The following CCDC148 variants were observed in gnomAD, a reference collection of about 807,000 sequenced individuals.
CCDC148 encodes coiled-coil domain-containing protein 148.
In CCDC148, 89 loss-of-function variants were observed where a neutral mutation model predicts 85.7. The ratio of observed to expected loss-of-function variants is 1.04; its 90% CI spans 0.87 to 1.24. The LOEUF (loss-of-function observed/expected upper bound fraction) is 1.24, where lower values mean the gene tolerates loss of function less well. CCDC148 is among the 50% of genes most tolerant of loss of function. The pLI is 0.00. For synonymous variants in CCDC148, 230 were observed against 213.9 expected, an observed-to-expected ratio of 1.08 and a Z score of -0.66; for missense variants, 692 against 671.7, an observed-to-expected ratio of 1.03 and a Z score of -0.33.
chr2:158,210,696 C>T (rs570705332), intron 11 of CCDC148, among the ~76,000 whole-genome samples: 1 of 149,540 alleles, frequency 6.7e-6, no homozygotes, highest in Non-Finnish European at 1.5e-5. Flanking sequence ...GTAATCCCAG[C>T]ACTTTGGGAG....
chr2:158,206,559 G>A (rs1192504961), intron 11 of CCDC148, among the ~76,000 whole-genome samples: 8 of 152,228 alleles, frequency 5.3e-5, no homozygotes, highest in Non-Finnish European at 1.2e-4. Flanking sequence ...AATTTCAATA[G>A]GATGATTTCC....
chr2:158,287,700 T>C (rs1400802207), intron 9 of CCDC148, among the ~76,000 whole-genome samples: 1 of 152,184 alleles, frequency 6.6e-6, no homozygotes, highest in Non-Finnish European at 1.5e-5. Flanking sequence ...TCCGGCTGCT[T>C]TCACGGGCTG....
At chr2:158,198,781 G>C (rs1685804490) in intron 11 of CCDC148, among the ~76,000 whole-genome samples, 1 of 152,160 alleles carries the variant, frequency 6.6e-6, no homozygotes, top group South Asian at 2.1e-4. Context: ...GTTAGATTCT[G>C]TATGTTACCA....
intron 7 of CCDC148, among the ~76,000 whole-genome samples, chr2:158,335,508 C>A (rs1313503844): frequency 6.6e-6 from 1 of 152,108 alleles, no homozygotes; most frequent in Non-Finnish European, 1.5e-5. Flanking sequence ...TTCCACATGG[C>A]TGGGGAGGCC....
chr2:158,351,588 C>G (rs1448344749), intron 2 of CCDC148, among the ~76,000 whole-genome samples: 7 of 152,240 alleles, frequency 4.6e-5, no homozygotes, highest in Admixed American at 4.6e-4. Flanking sequence ...CCCACGGAGT[C>G]TTGCTGATTG....
intron 10 of CCDC148, among the ~76,000 whole-genome samples, chr2:158,235,086 A>T (rs1159176386): frequency 2.0e-5 from 3 of 152,204 alleles, no homozygotes; most frequent in Admixed American, 1.3e-4. Flanking sequence ...AAACAAGTTT[A>T]CCTACGTAAC....
chr2:158,265,519 A>AT (rs139489205), intron 9 of CCDC148, among the ~76,000 whole-genome samples: 44,003 of 151,906 alleles, frequency 0.29, 7,655 homozygotes, highest in Middle Eastern at 0.48. Flanking sequence ...ATTAAAGTAT[A>AT]TTTATTGAAT....
At chr2:158,210,867 G>T (rs1036018861) in intron 11 of CCDC148, among the ~76,000 whole-genome samples, 8 of 150,090 alleles carry the variant, frequency 5.3e-5, no homozygotes, top group African/African-American at 1.5e-4. Flanking sequence ...GCTGAGACAG[G>T]AGAATGGCGT....
intron 2 of CCDC148, among the ~76,000 whole-genome samples, chr2:158,351,124 C>T (rs1683247414): frequency 6.6e-6 from 1 of 152,132 alleles, no homozygotes; most frequent in Non-Finnish European, 1.5e-5. Context: ...GTTTTTATTG[C>T]AGTTTATACT....
chr2:158,438,606 A>C (rs904240164), intron 1 of CCDC148, among the ~76,000 whole-genome samples: 1 of 152,196 alleles, frequency 6.6e-6, no homozygotes, highest in Non-Finnish European at 1.5e-5. Flanking sequence ...AATGGCAACA[A>C]AAGCCAAAAT....
intron 9 of CCDC148, among the ~76,000 whole-genome samples, chr2:158,263,664 C>T (rs1394561961): frequency 2.0e-5 from 3 of 152,102 alleles, no homozygotes; most frequent in African/African-American, 4.8e-5. Flanking sequence ...ATCTACCAAA[C>T]CCCAGAAATG....
intron 1 of CCDC148, among the ~76,000 whole-genome samples, chr2:158,373,074 G>T (rs1171846152): frequency 6.6e-6 from 1 of 152,006 alleles, no homozygotes; most frequent in African/African-American, 2.4e-5. Context: ...GCTTATCCAG[G>T]TGGGCCTAAT....
chr2:158,363,444 C>T (rs1471119668), intron 1 of CCDC148, among the ~76,000 whole-genome samples: 1 of 152,086 alleles, frequency 6.6e-6, no homozygotes, highest in Non-Finnish European at 1.5e-5. Flanking sequence ...AATCCAGCAG[C>T]ACATCAAAAA....
chr2:158,409,358 G>T (rs932362075), intron 1 of CCDC148, among the ~76,000 whole-genome samples: 1 of 152,194 alleles, frequency 6.6e-6, no homozygotes, highest in African/African-American at 2.4e-5. Context: ...AGCCACAGGG[G>T]TGGAGCTGCC....
chr2:158,351,775 G>A (rs949269207), intron 2 of CCDC148, among the ~76,000 whole-genome samples: 17 of 152,024 alleles, frequency 1.1e-4, no homozygotes, highest in Non-Finnish European at 1.2e-4. Flanking sequence ...TGGGGGCAGA[G>A]CACAGACAAA....
intron 1 of CCDC148, among the ~76,000 whole-genome samples, chr2:158,428,629 G>A (rs1281098475): frequency 2.0e-5 from 3 of 150,172 alleles, no homozygotes; most frequent in Non-Finnish European, 3.0e-5. Flanking sequence ...TAAAAAGTCA[G>A]GAAACAACAG....
chr2:158,292,538 T>C (rs1226687586), intron 9 of CCDC148, among the ~76,000 whole-genome samples: 16 of 152,220 alleles, frequency 1.1e-4, no homozygotes, highest in Non-Finnish European at 2.1e-4. Context: ...AAAGCTTTCC[T>C]GTGCCATCCG....
At chr2:158,395,475 T>C (rs190274676) in intron 1 of CCDC148, among the ~76,000 whole-genome samples, 9 of 152,238 alleles carry the variant, frequency 5.9e-5, no homozygotes, top group African/African-American at 1.9e-4. Flanking sequence ...CACAGGAGTA[T>C]GCTTGTTAAA....
chr2:158,216,204 T>G (rs1472887900), intron 11 of CCDC148, among the ~76,000 whole-genome samples: 1 of 152,146 alleles, frequency 6.6e-6, no homozygotes, highest in East Asian at 1.9e-4. Context: ...AGCAATGGCT[T>G]TTAGAGAAGA....
Sources: allele counts gnomAD v4.1 joint callset (sites outside exome capture counted in the v4.1 genomes callset), GRCh38; gene constraint gnomAD v4.1.1; transcripts MANE v1.5; gene names NCBI Gene and HGNC (gene_info 2026-07-23, HGNC 2026-07-21).